The following CDH13 variants were observed in gnomAD, a reference collection of about 807,000 sequenced individuals.
CDH13 encodes cadherin 13.
In CDH13, 24 loss-of-function variants were observed where a neutral mutation model predicts 63.8. The observed-to-expected ratio is 0.38, with a 90% CI of 0.27 to 0.53. The LOEUF (loss-of-function observed/expected upper bound fraction) is 0.53, where lower values mean the gene tolerates loss of function less well. Ranked by LOEUF, CDH13 falls within the 20% of genes least tolerant of loss-of-function variation. CDH13 has a pLI of 0.85. For missense variants in CDH13, 1,049 were observed against 903.1 expected, an observed-to-expected ratio of 1.16 and a Z score of -2.07; for synonymous variants, 503 against 355.3, an observed-to-expected ratio of 1.42 and a Z score of -4.67.
chr16:83,247,749 T>C (rs1017588344), intron 5 of CDH13, among the ~76,000 whole-genome samples: 1 of 152,178 alleles, frequency 6.6e-6, no homozygotes, highest in East Asian at 1.9e-4. Flanking sequence ...TATAATTAAT[T>C]ATAAATCCTT....
chr16:82,782,044 A>G (rs911742439), intron 1 of CDH13, among the ~76,000 whole-genome samples: 13 of 152,246 alleles, frequency 8.5e-5, no homozygotes, highest in Non-Finnish European at 4.4e-5. Context: ...ACAGCAGGAA[A>G]TTAAGTAGCT....
In CDH13 at chr16:83,765,565, A is replaced by G. The variant is rs62047500; in HGVS notation, c.1682-14403A>G. 3.4e-5 allele frequency among the ~76,000 whole-genome samples: 5 copies of G among 149,188 alleles called. No homozygotes were observed. The East Asian group carries it at 5.9e-4, about 18-fold the overall frequency. ...ATATATATATATATACACACACACA[A>G]AGAGAGAGAGAGAGAGAGAGATTTC... is the stretch of plus-strand genomic sequence containing the variant. On this transcript the variant is annotated intron_variant, in intron 11 of 13. Coordinates refer to ENST00000567109, the MANE Select transcript of CDH13 (RefSeq NM_001257.5).
chr16:83,149,951 G>C (rs1189757235), intron 4 of CDH13, among the ~76,000 whole-genome samples: 1 of 152,178 alleles, frequency 6.6e-6, no homozygotes, highest in Non-Finnish European at 1.5e-5. Flanking sequence ...CTGATTACAA[G>C]CAGCGATGTG....
chr16:82,869,945 A>C (rs2040287083), intron 2 of CDH13, among the ~76,000 whole-genome samples: 1 of 152,188 alleles, frequency 6.6e-6, no homozygotes, highest in Admixed American at 6.5e-5. Flanking sequence ...AGACCTGAGA[A>C]GCATGGGAAA....
chr16:83,381,649 C>G lies in CDH13; in HGVS notation c.781+36643C>G, dbSNP rs189449598. Among the ~76,000 whole-genome samples the G allele has an allele frequency of 1.3e-3, 192 of 152,130 alleles. 1 individual carries two copies. In the Middle Eastern group the frequency reaches 0.017, roughly 13 times the overall value. The stretch of plus-strand genomic sequence containing the variant: ...AACCACTCTCACCTAAAAAAGCTCA[C>G]CTAAACCCACCACTTGTCTATCTGA... On this transcript the variant is annotated intron_variant, in intron 6 of 13. Coordinates refer to ENST00000567109, the MANE Select transcript of CDH13 (RefSeq NM_001257.5).
intron 2 of CDH13, among the ~76,000 whole-genome samples, chr16:82,889,893 A>G (rs1357702743): frequency 4.6e-5 from 7 of 152,226 alleles, no homozygotes; most frequent in Admixed American, 3.9e-4. Context: ...TGCTTGCTCA[A>G]GAGAGTATAG....
At chr16:83,773,326 A>T (rs1914881555) in intron 11 of CDH13, among the ~76,000 whole-genome samples, 1 of 152,154 alleles carries the variant, frequency 6.6e-6, no homozygotes. Flanking sequence ...TATAGCTACT[A>T]CTCGATACTG....
chr16:82,820,919 G>A (rs1050132556), intron 1 of CDH13, among the ~76,000 whole-genome samples: 2 of 152,172 alleles, frequency 1.3e-5, no homozygotes, highest in Non-Finnish European at 2.9e-5. Context: ...TTTCTCTGGT[G>A]GAGTCTGGCC....
intron 6 of CDH13, among the ~76,000 whole-genome samples, chr16:83,378,757 C>G (rs1018132221): frequency 6.6e-6 from 1 of 152,134 alleles, no homozygotes; most frequent in East Asian, 1.9e-4. Flanking sequence ...TAGATAATTC[C>G]CAGACTTGTA....
intron 7 of CDH13, among the ~76,000 whole-genome samples, chr16:83,555,901 C>A (rs1490434435): frequency 6.6e-6 from 1 of 152,172 alleles, no homozygotes; most frequent in African/African-American, 2.4e-5. Context: ...TTTCTATCAG[C>A]TTCTTATGCT....
At chr16:83,295,681 G>T (rs933891063) in intron 5 of CDH13, among the ~76,000 whole-genome samples, 1 of 152,132 alleles carries the variant, frequency 6.6e-6, no homozygotes, top group Admixed American at 6.5e-5. Context: ...ATAAATGTTG[G>T]CAAGGATGTG....
At chr16:83,318,496 G>T (rs1195878263) in intron 5 of CDH13, among the ~76,000 whole-genome samples, 2 of 152,194 alleles carry the variant, frequency 1.3e-5, no homozygotes, top group African/African-American at 4.8e-5. Flanking sequence ...TGATTTGAAT[G>T]AAAGATCCCA....
intron 5 of CDH13, among the ~76,000 whole-genome samples, chr16:83,310,592 C>T (rs944529002): frequency 6.6e-6 from 1 of 152,206 alleles, no homozygotes; most frequent in Admixed American, 6.5e-5. Flanking sequence ...TTCACACGTA[C>T]CTGGCCAGCT....
intron 2 of CDH13, among the ~76,000 whole-genome samples, chr16:82,970,448 G>A (rs1489658217): frequency 1.9e-5 from 2 of 105,838 alleles, no homozygotes; most frequent in African/African-American, 3.1e-5. Context: ...GCCGGACTGC[G>A]GACTGCAGTG....
chr16:83,163,467 G>A (rs763105234), intron 4 of CDH13, among the ~76,000 whole-genome samples: 1 of 152,048 alleles, frequency 6.6e-6, no homozygotes, highest in Non-Finnish European at 1.5e-5. Context: ...AGTGCTCCAG[G>A]CCAGACGCTC....
chr16:82,893,809 G>A (rs528350949), intron 2 of CDH13, among the ~76,000 whole-genome samples: 25 of 152,010 alleles, frequency 1.6e-4, no homozygotes, highest in Admixed American at 5.9e-4. Context: ...TCTGCATCTC[G>A]AGACACTTGC....
intron 7 of CDH13, among the ~76,000 whole-genome samples, chr16:83,505,868 A>G (rs536408978): frequency 1.3e-5 from 2 of 152,334 alleles, no homozygotes; most frequent in South Asian, 2.1e-4. Flanking sequence ...TGATGTGATT[A>G]TTAAAAGCAG....
At chr16:83,461,192 A>C (rs1240805977) in intron 6 of CDH13, among the ~76,000 whole-genome samples, 2 of 152,154 alleles carry the variant, frequency 1.3e-5, no homozygotes, top group Non-Finnish European at 2.9e-5. Flanking sequence ...TTGTATATGC[A>C]TGTGTGTATA....
intron 13 of CDH13, among the ~76,000 whole-genome samples, chr16:83,792,964 C>G (rs1916371859): frequency 6.6e-6 from 1 of 152,174 alleles, no homozygotes; most frequent in Admixed American, 6.5e-5. Context: ...CTCAAAACAT[C>G]TGAAGTTCTT....
Sources: gnomAD v4.1 joint callset for allele counts (sites outside exome capture counted in the v4.1 genomes callset) on GRCh38, gnomAD v4.1.1 for gene constraint, MANE v1.5 for transcripts, NCBI Gene and HGNC (gene_info 2026-07-23, HGNC 2026-07-21) for gene names.